Variants in RNFT2 observed in about 807,000 individuals in gnomAD.
RNFT2 encodes ring finger protein, transmembrane 2.
A neutral mutation model predicts 53.0 loss-of-function variants in RNFT2; 36 were observed. That is an observed-to-expected ratio of 0.68 (90% CI 0.52 to 0.90). RNFT2 has a LOEUF of 0.90. Among genes scored for constraint, RNFT2 ranks in the 40% least tolerant of loss-of-function variants. The pLI, the probability that RNFT2 is intolerant of heterozygous loss-of-function variation, is 0.00. For missense variants in RNFT2, 514 were observed against 585.6 expected, an observed-to-expected ratio of 0.88 and a Z score of 1.26; for synonymous variants, 260 against 253.2, an observed-to-expected ratio of 1.03 and a Z score of -0.26.
intron 7 of RNFT2, among the ~76,000 whole-genome samples, chr12:116,822,021 G>A (rs564715557): frequency 7.9e-5 from 12 of 151,924 alleles, no homozygotes; most frequent in Non-Finnish European, 1.2e-4. Flanking sequence ...TTTTGGTAGA[G>A]ACGGGATTTC....
chr12:116,832,383 C>T (rs1057016760), intron 7 of RNFT2, among the ~76,000 whole-genome samples: 22 of 151,924 alleles, frequency 1.4e-4, no homozygotes, highest in Non-Finnish European at 2.4e-4. Context: ...CATGTCATCG[C>T]GAATCTCAGG....
rs34116756 is a variant in RNFT2, at chr12:116,850,321, A to AT, written c.*888dup. On this transcript the variant is annotated 3_prime_UTR_variant, in exon 11 of 11. Coordinates refer to ENST00000257575, the MANE Select transcript of RNFT2 (RefSeq NM_001382266.1). ...AGGTGTGTGCCACCAGGCCTGGCTA[A>AT]TTTTTTTTTTTTTTTAATTTTTAGT... is the stretch of plus-strand genomic sequence containing the variant. 1.1e-4 allele frequency: 16 copies of AT among 145,710 alleles called. No individual in the cohort carries two copies. Among genetic ancestry groups the AT allele is most frequent in the South Asian group, 4.4e-4 (2 of 4,588 alleles). The allele number at this position is 145,710 out of a possible 1,614,324, so 9.0% of individuals were successfully genotyped here.
chr12:116,750,034 G>C lies in RNFT2; in HGVS notation c.277G>C (p.Ala93Pro), dbSNP rs1452597801. The C allele has an allele frequency of 2.6e-6, 4 of 1,552,022 alleles. No homozygotes were observed. In the African/African-American group the frequency reaches 5.5e-5, roughly 21 times the overall value. The change falls in exon 4 of 11, where the codon GCG becomes CCG. Residue 93 changes from alanine to proline, a missense_variant. Transcript: ENST00000257575. ...CGGGGACGTGTTCATCCAGATGCCC[G>C]CGTCCAGGGAGGAAGGAGGGGGCCG... Reference protein sequence around the residue: ...GGGDVFIQMPASREEGGGRGE... With the variant: ...GGGDVFIQMPPSREEGGGRGE...
At chr12:116,792,901 T>A (rs1003501165) in intron 7 of RNFT2, among the ~76,000 whole-genome samples, 2 of 152,118 alleles carry the variant, frequency 1.3e-5, no homozygotes, top group African/African-American at 4.8e-5. Context: ...TTGAAAGTGC[T>A]TTTGCTATTT....
intron 3 of RNFT2, among the ~76,000 whole-genome samples, chr12:116,745,159 C>G (rs1009772255): frequency 6.7e-6 from 1 of 149,488 alleles, no homozygotes; most frequent in African/African-American, 2.5e-5. Flanking sequence ...CGTGAGTTTC[C>G]TCCATTGCAC....
At chr12:116,778,284 G>C (rs983356048) in intron 6 of RNFT2, among the ~76,000 whole-genome samples, 2 of 152,210 alleles carry the variant, frequency 1.3e-5, no homozygotes, top group African/African-American at 4.8e-5. Context: ...CTAGCAGAAG[G>C]TGTTTGGGTC....
intron 4 of RNFT2, among the ~76,000 whole-genome samples, chr12:116,752,193 A>C (rs1026868628): frequency 2.1e-4 from 5 of 24,084 alleles, no homozygotes; most frequent in Non-Finnish European, 5.7e-4. Context: ...CTACTGAAAA[A>C]AAAAGAGAGA....
At chr12:116,748,648 C>T (rs1474649545) in intron 3 of RNFT2, 1 of 451,970 alleles carries the variant, frequency 2.2e-6, no homozygotes, top group South Asian at 1.6e-5. Context: ...TCTCTGCCGC[C>T]CACCCAATGT....
rs762013507 is a variant in RNFT2, at chr12:116,743,213, T to TAAAAAAAAAAAAAAAAA, written c.83+2134_83+2150dup. On this transcript the variant is annotated intron_variant, in intron 3 of 10. Transcript: ENST00000257575. ...TGATTAATAGATACCAGGTAGAATC[T>TAAAAAAAAAAAAAAAAA]AAAAAAAAAAAAAAAAAAAAAAAAA... Among the ~76,000 whole-genome samples the TAAAAAAAAAAAAAAAAA allele has an allele frequency of 6.3e-3, 67 of 10,672 alleles. 12 individuals carry two copies. Among genetic ancestry groups the TAAAAAAAAAAAAAAAAA allele is most frequent in the Non-Finnish European group, 7.6e-3 (44 of 5,810 alleles). 7.0% of individuals were successfully genotyped at this position (10,672 alleles called of 152,430 possible).
At chr12:116,840,307 G>A (rs1043850035) in intron 10 of RNFT2, among the ~76,000 whole-genome samples, 1 of 152,164 alleles carries the variant, frequency 6.6e-6, no homozygotes, top group Non-Finnish European at 1.5e-5. Flanking sequence ...CTATTTAATA[G>A]AGACAAAGAA....
chr12:116,757,579 T>C (rs2393087), intron 5 of RNFT2, among the ~76,000 whole-genome samples: 136,972 of 152,126 alleles, frequency 0.9, 62,106 homozygotes, highest in Non-Finnish European at 0.95. Flanking sequence ...TCATTTTTGA[T>C]CCAATGCTCA....
chr12:116,792,023 C>T (rs1324680128), intron 7 of RNFT2, among the ~76,000 whole-genome samples: 2 of 152,106 alleles, frequency 1.3e-5, no homozygotes, highest in Non-Finnish European at 2.9e-5. Context: ...GCGGTCCTTC[C>T]CGTGTATGTT....
chr12:116,761,539 T>A (rs768760497), intron 5 of RNFT2, among the ~76,000 whole-genome samples: 1 of 152,188 alleles, frequency 6.6e-6, no homozygotes, highest in Non-Finnish European at 1.5e-5. Context: ...TCCTCCTGCA[T>A]GTCCTCTGTG....
intron 5 of RNFT2, chr12:116,756,010 C>G (rs1381916528): frequency 3.2e-6 from 2 of 622,136 alleles, no homozygotes; most frequent in African/African-American, 3.7e-5. Flanking sequence ...ATGCCTCCAG[C>G]TTTTTCTTTT....
chr12:116,829,785 T>C (rs1235902001), intron 7 of RNFT2, among the ~76,000 whole-genome samples: 1 of 152,190 alleles, frequency 6.6e-6, no homozygotes, highest in Admixed American at 6.5e-5. Flanking sequence ...TTCACCATGT[T>C]GGCCAGGCTG....
At chr12:116,768,514 T>C (rs551729626) in intron 6 of RNFT2, among the ~76,000 whole-genome samples, 1 of 152,278 alleles carries the variant, frequency 6.6e-6, no homozygotes, top group African/African-American at 2.4e-5. Context: ...AAAATTCTAT[T>C]ACCTAGTGAT....
chr12:116,851,794 G>GGAAA lies in RNFT2; in HGVS notation c.*2356_*2359dup, dbSNP rs139947917. 1 of 895,202 alleles carries GGAAA rather than the reference G, an allele frequency of 1.1e-6. No individual in the cohort carries two copies. The highest frequency in any genetic ancestry group is 1.8e-6 in the Non-Finnish European group (1 of 562,048). The allele number at this position is 895,202 out of a possible 1,614,324, so 55.5% of individuals were successfully genotyped here. A position where few individuals can be genotyped will look rare whatever the true frequency, so the allele number is the denominator to read the frequency against. On this transcript the variant is annotated 3_prime_UTR_variant, in exon 11 of 11. Transcript: ENST00000257575. ...AGGGAGGGAGGAAGGAAGGAAGGAA[G>GGAAA]GAAAGAAAGAAAGGTCAGCTTTGGC... is the stretch of plus-strand genomic sequence containing the variant.
chr12:116,772,227 G>T (rs1328932241), intron 6 of RNFT2, among the ~76,000 whole-genome samples: 1 of 152,166 alleles, frequency 6.6e-6, no homozygotes, highest in Non-Finnish European at 1.5e-5. Flanking sequence ...AAAGTGCTGG[G>T]AATACTGGCA....
intron 6 of RNFT2, among the ~76,000 whole-genome samples, chr12:116,769,512 G>A (rs1873079079): frequency 6.6e-6 from 1 of 152,174 alleles, no homozygotes; most frequent in African/African-American, 2.4e-5. Flanking sequence ...CCCACGTAGG[G>A]TGAGGCTAAG....
Sources: allele counts gnomAD v4.1 joint callset (sites outside exome capture counted in the v4.1 genomes callset), GRCh38; gene constraint gnomAD v4.1.1; transcripts MANE v1.5; gene names NCBI Gene and HGNC (gene_info 2026-07-23, HGNC 2026-07-21).